TANC2: variants seen among roughly 807,000 people sequenced by gnomAD.
TANC2 encodes protein TANC2.
Under a neutral mutation model 210.5 loss-of-function variants are expected in TANC2, and 26 were observed. The observed-to-expected ratio is 0.12, with a 90% CI of 0.09 to 0.17. TANC2 has a LOEUF of 0.17. Among genes scored for constraint, TANC2 ranks in the 10% least tolerant of loss-of-function variants. The pLI is 1.00. For synonymous variants in TANC2, 931 were observed against 967.1 expected (o/e 0.96, Z 0.69); for missense variants, 2,129 against 2,608.9 (o/e 0.82, Z 4.01).
At chr17:63,255,324 G>A in intron 8 of TANC2, among the ~76,000 whole-genome samples, 1 of 151,834 alleles carries the variant, frequency 6.6e-6, no homozygotes. Context: ...TCCTGACCTT[G>A]TTTGTGATCC....
In TANC2 at chr17:63,194,281, A is replaced by G; in HGVS notation, c.582+142A>G. On this transcript the variant is annotated intron_variant, in intron 6 of 27. Coordinates refer to ENST00000689528, the Ensembl canonical transcript of TANC2. ...TCACTATTATTTCTTCAGTTTATGA[A>G]TAATCTTTTAGCTTTAGTCTTAGAT... is the stretch of plus-strand genomic sequence containing the variant. 6.1e-6 allele frequency: 6 copies of G among 991,226 alleles called. 1 individual carries two copies. The highest frequency in any genetic ancestry group is 4.7e-5 in the South Asian group (2 of 42,860). The allele number at this position is 991,226 out of a possible 1,614,324, so 61.4% of individuals were successfully genotyped here. A position where few individuals can be genotyped will look rare whatever the true frequency, so the allele number is the denominator to read the frequency against.
intron 4 of TANC2, among the ~76,000 whole-genome samples, chr17:63,101,043 A>G (rs964823850): frequency 1.3e-5 from 2 of 152,226 alleles, no homozygotes; most frequent in Non-Finnish European, 2.9e-5. Context: ...TTACTGAAAG[A>G]GTATGTCAGG....
chr17:62,998,082 T>C (rs959306938), intron 1 of TANC2, among the ~76,000 whole-genome samples: 1 of 152,108 alleles, frequency 6.6e-6, no homozygotes, highest in African/African-American at 2.4e-5. Flanking sequence ...TCCAGAGTGA[T>C]TGCATAGAGC....
chr17:63,189,066 A>G (rs899689694), intron 5 of TANC2, among the ~76,000 whole-genome samples: 2 of 152,202 alleles, frequency 1.3e-5, no homozygotes, highest in Non-Finnish European at 2.9e-5. Flanking sequence ...TCTTAGCACA[A>G]TACTTTCAGT....
chr17:63,422,620 T>C (rs1171488956), exon 28 of TANC2: 1 of 152,224 alleles, frequency 6.6e-6, no homozygotes, highest in Non-Finnish European at 1.5e-5. Flanking sequence ...CAAGAGGCAT[T>C]GTAGGAACAT....
At position 63,358,379 on chromosome 17, in the gene TANC2, ATGT is replaced by A. The variant is rs2046847395; in HGVS notation, c.2582+2990_2582+2992del. Among the ~76,000 whole-genome samples, 792 of 139,626 alleles carry A rather than the reference ATGT, an allele frequency of 5.7e-3. 9 individuals carry two copies. Among genetic ancestry groups the A allele is most frequent in the African/African-American group, 0.02 (707 of 36,148 alleles). 91.6% of individuals were successfully genotyped at this position (139,626 alleles called of 152,430 possible). A position where few individuals can be genotyped will look rare whatever the true frequency, so the allele number is the denominator to read the frequency against. Reference sequence around the variant, plus strand: ...AGAGAGAGAGAGAGAGAGAGAGAGTATGTGTGTGTGTGTGTGTGTGTGTGTGTG... The same window carrying A: ...AGAGAGAGAGAGAGAGAGAGAGAGTAGTGTGTGTGTGTGTGTGTGTGTGTG... On this transcript the variant is annotated intron_variant, in intron 14 of 27. Coordinates refer to ENST00000689528, the Ensembl canonical transcript of TANC2.
chr17:63,002,425 T>G (rs2033427662), intron 1 of TANC2, among the ~76,000 whole-genome samples: 1 of 152,236 alleles, frequency 6.6e-6, no homozygotes, highest in South Asian at 2.1e-4. Flanking sequence ...TCATCACATA[T>G]CTGCCTCTCT....
At chr17:63,346,868 GC>G (rs2046428889) in intron 12 of TANC2, among the ~76,000 whole-genome samples, 1 of 151,408 alleles carries the variant, frequency 6.6e-6, no homozygotes, top group Non-Finnish European at 1.5e-5. Flanking sequence ...ACCATACCTG[GC>G]TAATTTTTTT....
At chr17:63,102,414 A>ATT (rs200715516) in intron 4 of TANC2, among the ~76,000 whole-genome samples, 1 of 144,598 alleles carries the variant, frequency 6.9e-6, no homozygotes, top group African/African-American at 2.5e-5. Context: ...TGATTGCAGG[A>ATT]TTTTTTTTTT....
intron 7 of TANC2, among the ~76,000 whole-genome samples, chr17:63,203,979 C>A (rs993624281): frequency 2.0e-5 from 3 of 152,090 alleles, no homozygotes; most frequent in African/African-American, 7.2e-5. Context: ...CATTTGGCTT[C>A]CTTCTGTAGA....
At chr17:62,998,203 C>G (rs2033205635) in intron 1 of TANC2, among the ~76,000 whole-genome samples, 1 of 152,080 alleles carries the variant, frequency 6.6e-6, no homozygotes, top group South Asian at 2.1e-4. Flanking sequence ...TGAAATAACT[C>G]AGACAAAAAT....
At chr17:62,996,928 C>T (rs2033137208) in intron 1 of TANC2, among the ~76,000 whole-genome samples, 1 of 148,970 alleles carries the variant, frequency 6.7e-6, no homozygotes, top group African/African-American at 2.5e-5. Flanking sequence ...ATTCTCTTGC[C>T]TCAGCCTCCC....
intron 5 of TANC2, chr17:63,151,688 G>A (rs578007562): frequency 5.3e-5 from 8 of 152,244 alleles, no homozygotes; most frequent in African/African-American, 1.9e-4. Flanking sequence ...AAGAAATTTT[G>A]CTGTGGCCAT....
intron 2 of TANC2, among the ~76,000 whole-genome samples, chr17:63,025,014 GT>G (rs1281232600): frequency 6.6e-6 from 1 of 152,122 alleles, no homozygotes; most frequent in Non-Finnish European, 1.5e-5. Flanking sequence ...ATTTGTGTAA[GT>G]TTTTGCTCTT....
chr17:63,133,818 A>T (rs2039000681), intron 4 of TANC2, among the ~76,000 whole-genome samples: 1 of 152,154 alleles, frequency 6.6e-6, no homozygotes, highest in Admixed American at 6.5e-5. Flanking sequence ...ACAGTTTATA[A>T]TCTAGTAGAG....
chr17:63,007,386 C>A (rs1300744239), intron 1 of TANC2, among the ~76,000 whole-genome samples: 1 of 152,098 alleles, frequency 6.6e-6, no homozygotes, highest in African/African-American at 2.4e-5. Flanking sequence ...AATGGTATAT[C>A]TTTTCCTGTC....
intron 8 of TANC2, among the ~76,000 whole-genome samples, chr17:63,262,610 C>G (rs1456291098): frequency 1.3e-5 from 2 of 150,494 alleles, no homozygotes; most frequent in Non-Finnish European, 1.5e-5. Context: ...CTTGATGGGT[C>G]TGAATCCCTA....
At chr17:63,372,429 T>C (rs981453988) in intron 14 of TANC2, among the ~76,000 whole-genome samples, 5 of 152,220 alleles carry the variant, frequency 3.3e-5, no homozygotes, top group African/African-American at 9.6e-5. Context: ...GCTACACACA[T>C]TAAAGACTAA....
intron 2 of TANC2, among the ~76,000 whole-genome samples, chr17:63,033,639 A>ACAACAC (rs1203070538): frequency 6.6e-6 from 1 of 152,136 alleles, no homozygotes; most frequent in Non-Finnish European, 1.5e-5. Context: ...ACATTCAAGG[A>ACAACAC]CAACACCATG....
Sources: allele counts gnomAD v4.1 joint callset (sites outside exome capture counted in the v4.1 genomes callset), GRCh38; gene constraint gnomAD v4.1.1; transcripts MANE v1.5; gene names NCBI Gene and HGNC (gene_info 2026-07-23, HGNC 2026-07-21).